The following ZSWIM4 variants were observed in gnomAD, a reference collection of about 807,000 sequenced individuals.
ZSWIM4 encodes zinc finger SWIM domain-containing protein 4.
Under a neutral mutation model 102.5 loss-of-function variants are expected in ZSWIM4, and 62 were observed. That is an observed-to-expected ratio of 0.60 (90% confidence interval 0.49 to 0.75). The LOEUF (loss-of-function observed/expected upper bound fraction) is 0.75. Among genes scored for constraint, ZSWIM4 ranks in the 30% least tolerant of loss-of-function variants. The probability of loss-of-function intolerance (pLI) is 0.00; values close to 1 mark genes in which losing one functional copy is unlikely to be tolerated. For missense variants in ZSWIM4, 1,280 were observed against 1,529.6 expected, an observed-to-expected ratio of 0.84 and a Z score of 2.72; for synonymous variants, 652 against 674.5, an observed-to-expected ratio of 0.97 and a Z score of 0.52.
intron 3 of ZSWIM4, among the ~76,000 whole-genome samples, chr19:13,805,672 C>T (rs2145276842): frequency 6.6e-6 from 1 of 151,650 alleles, no homozygotes; most frequent in East Asian, 2.0e-4. Context: ...TGGGTGGGTA[C>T]AGAAAGTGTT....
intron 1 of ZSWIM4, 137 bp downstream of exon 1, chr19:13,795,938 C>T: frequency 2.0e-6 from 1 of 494,186 alleles, no homozygotes; most frequent in African/African-American, 2.1e-5. Context: ...CCCCAGGACC[C>T]TTAACCCTGC....
At chr19:13,828,569 C>T in intron 12 of ZSWIM4, 76 bp from the exon 13 acceptor site, 1 of 1,340,630 alleles carries the variant, frequency 7.5e-7, no homozygotes, top group Non-Finnish European at 1.1e-6. Context: ...TTCTGGGGTC[C>T]TCCATCTCCC....
intron 10 of ZSWIM4, among the ~76,000 whole-genome samples, chr19:13,820,100 A>G (rs915515501): frequency 5.3e-5 from 8 of 151,808 alleles, no homozygotes; most frequent in African/African-American, 1.9e-4. Flanking sequence ...GGATTTCGCC[A>G]TGTTGCCCAT....
chr19:13,808,600 G>A (rs900209847), intron 3 of ZSWIM4, among the ~76,000 whole-genome samples: 12 of 152,006 alleles, frequency 7.9e-5, no homozygotes, highest in Non-Finnish European at 1.2e-4. Context: ...TTGGCAAAGT[G>A]TAGTGGGGCG....
At chr19:13,829,484 G>A (rs991037351) in intron 13 of ZSWIM4, among the ~76,000 whole-genome samples, 7 of 151,954 alleles carry the variant, frequency 4.6e-5, no homozygotes, top group African/African-American at 1.5e-4. Flanking sequence ...CCAGCTACTC[G>A]GGAGGCTGAG....
chr19:13,818,988 G>A (rs538848262), intron 9 of ZSWIM4, among the ~76,000 whole-genome samples: 2 of 151,710 alleles, frequency 1.3e-5, no homozygotes, highest in Admixed American at 6.6e-5. Flanking sequence ...TCAGCCTCCC[G>A]AGTAGCTGGG....
intron 1 of ZSWIM4, among the ~76,000 whole-genome samples, chr19:13,796,411 T>C (rs1452766236): frequency 6.6e-6 from 1 of 151,904 alleles, no homozygotes; most frequent in Non-Finnish European, 1.5e-5. Flanking sequence ...CCCCCATCTC[T>C]CCAGATTCCA....
At position 13,810,878 on chromosome 19, in the gene ZSWIM4, G is replaced by A. The variant is rs57954646; in HGVS notation, c.1012+1658G>A. Among the ~76,000 whole-genome samples the A allele has an allele frequency of 6.5e-3, 968 of 149,222 alleles. 15 individuals are homozygous for A. The highest frequency in any genetic ancestry group is 0.023 in the African/African-American group (931 of 40,110). ...GCCCGCCTCGGCTTCCCAAAGGGTT[G>A]GGATTACAGGCGTGAGCCACCACGC... is the stretch of plus-strand genomic sequence containing the variant. On this transcript the variant is annotated intron_variant, in intron 5 of 13. Transcript: ENST00000590508.
chr19:13,805,141 G>C lies in ZSWIM4; in HGVS notation c.705G>C (p.Leu235Phe). ...TCCTGCTGGGCTCCGAGATCAACTTGGTGAATGGTAAGGGCACCCCGGGGG... is the reference window on the plus strand; with the variant it reads ...TCCTGCTGGGCTCCGAGATCAACTTCGTGAATGGTAAGGGCACCCCGGGGG... ...EILLLGSEIN[L>F]VNGAPDPTAG... is the part of the protein sequence containing the mutation. The change falls in exon 3 of 14, where the codon TTG (leucine) becomes TTC (phenylalanine). Residue 235 changes from leucine (L) to phenylalanine (F), a missense_variant. Coordinates refer to ENST00000590508, the MANE Select transcript of ZSWIM4 (RefSeq NM_001367834.3). 1 of 1,597,204 alleles carries C rather than the reference G, an allele frequency of 6.3e-7. No homozygotes were observed. Among genetic ancestry groups the C allele is most frequent in the Non-Finnish European group, 8.5e-7 (1 of 1,178,244 alleles).
intron 12 of ZSWIM4, among the ~76,000 whole-genome samples, chr19:13,828,319 G>T (rs1055052524): frequency 2.6e-5 from 4 of 152,002 alleles, no homozygotes; most frequent in Non-Finnish European, 5.9e-5. Context: ...TGAGGCAGGA[G>T]AATGCTTGAA....
intron 2 of ZSWIM4, 35 bp downstream of exon 2, chr19:13,799,956 C>G (rs1384015621): frequency 6.3e-6 from 10 of 1,585,914 alleles, no homozygotes; most frequent in Non-Finnish European, 8.6e-6. Flanking sequence ...CTGGGGAGGC[C>G]AGGAGGTCCA....
chr19:13,803,736 C>T (rs1432882790), intron 2 of ZSWIM4, among the ~76,000 whole-genome samples: 2 of 127,122 alleles, frequency 1.6e-5, no homozygotes, highest in East Asian at 2.7e-4. Context: ...ACCCAGGAGG[C>T]GGAGGTTGCA....
chr19:13,828,547 A>G, intron 12 of ZSWIM4, 98 bp from the exon 13 acceptor site: 1 of 1,019,280 alleles, frequency 9.8e-7, no homozygotes, highest in South Asian at 1.4e-5. Flanking sequence ...ATCAGCTTTA[A>G]CCTCCAAGTG....
chr19:13,830,012 C>T (rs1975713519), intron 13 of ZSWIM4, among the ~76,000 whole-genome samples, 179 bp from the exon 14 acceptor site: 1 of 152,178 alleles, frequency 6.6e-6, no homozygotes, highest in African/African-American at 2.4e-5. Context: ...AAAGCTTAGC[C>T]TTCTACACAC....
Position 13,814,772 on chromosome 19 carries a change from C to T in ZSWIM4, c.1438C>T (p.Pro480Ser), listed in dbSNP as rs994559581. The T allele has an allele frequency of 1.5e-5, 19 of 1,286,254 alleles. No individual in the cohort carries two copies. The highest frequency in any genetic ancestry group is 1.5e-5 in the African/African-American group (1 of 65,790). 79.7% of individuals were successfully genotyped at this position (1,286,254 alleles called of 1,614,324 possible). A position where few individuals can be genotyped will look rare whatever the true frequency, so the allele number is the denominator to read the frequency against. Residue 480 changes from proline (P) to serine (S), a missense_variant, in exon 7 of 14, where the codon CCC (proline) becomes TCC (serine). Pro to Ser is a moderately conservative substitution (Grantham distance 74, BLOSUM62 -1). Coordinates refer to ENST00000590508, the MANE Select transcript of ZSWIM4 (RefSeq NM_001367834.3). ...GGACACCCTGCGTGCCCACGGATAC[C>T]CCCGCCAGGCCCTGCGGCTGGCAAG... ...RVDTLRAHGY[P>S]RQALRLASAI...
chr19:13,818,112 C>G, intron 9 of ZSWIM4, 136 bp downstream of exon 9: 11 of 1,361,316 alleles, frequency 8.1e-6, no homozygotes, highest in Non-Finnish European at 1.0e-5. Context: ...TGATACTGTC[C>G]CCTCATACCT....
Position 13,817,289 on chromosome 19 carries a change from C to T in ZSWIM4, c.1605C>T (p.Gly535=), listed in dbSNP as rs1433729713. ...TGGGGCACCCCCTGGACCCCATTGG[C>T]TGCCTCTGCAGGGCGCTCCTGGAGG... ...GWVGHPLDPI[G]CLCRALLEAC... Residue 535 remains glycine (G), a synonymous_variant, in exon 8 of 14, where the codon GGC becomes GGT. Transcript: ENST00000590508. 6 of 1,614,104 alleles carry T rather than the reference C, an allele frequency of 3.7e-6. No homozygotes were observed. Among genetic ancestry groups the T allele is most frequent in the Non-Finnish European group, 4.2e-6 (5 of 1,179,958 alleles).
chr19:13,800,000 G>A (rs1974715632), intron 2 of ZSWIM4, 79 bp downstream of exon 2: 7 of 1,458,938 alleles, frequency 4.8e-6, no homozygotes, highest in Non-Finnish European at 5.6e-6. Context: ...TTGGAGGGAG[G>A]CCTGGGGCCA....
chr19:13,819,285 G>A, intron 9 of ZSWIM4, 72 bp from the exon 10 acceptor site: 1 of 1,581,960 alleles, frequency 6.3e-7, no homozygotes, highest in African/African-American at 1.3e-5. Flanking sequence ...TTAAAGCCTG[G>A]GGTCTAGTGA....
Sources: gnomAD v4.1 joint callset for allele counts (sites outside exome capture counted in the v4.1 genomes callset) on GRCh38, gnomAD v4.1.1 for gene constraint, MANE v1.5 for transcripts, NCBI Gene and HGNC (gene_info 2026-07-23, HGNC 2026-07-21) for gene names.